ERBB4: variants seen among roughly 807,000 people sequenced by gnomAD.
ERBB4 encodes the protein erb-b2 receptor tyrosine kinase 4, also known as receptor tyrosine-protein kinase erbB-4.
ERBB4 carries 42 observed loss-of-function variants against 158.0 expected under a neutral mutation model. The observed-to-expected ratio is 0.27, with a 90% CI of 0.21 to 0.34. The LOEUF (loss-of-function observed/expected upper bound fraction) is 0.34, where lower values mean the gene tolerates loss of function less well. ERBB4 is among the 10% of genes least tolerant of loss of function. The probability of loss-of-function intolerance (pLI) is 1.00; values close to 1 mark genes in which losing one functional copy is unlikely to be tolerated. For synonymous variants in ERBB4, 583 were observed against 558.7 expected (o/e 1.04, Z -0.61); for missense variants, 1,333 against 1,624.1 (o/e 0.82, Z 3.08).
intron 1 of ERBB4, among the ~76,000 whole-genome samples, chr2:212,502,099 G>C (rs1560495582): frequency 6.6e-6 from 1 of 151,864 alleles, no homozygotes; most frequent in Non-Finnish European, 1.5e-5. Context: ...AATTCTCATG[G>C]ATTGTTTACA....
chr2:212,115,813 T>C (rs535241412), intron 2 of ERBB4, among the ~76,000 whole-genome samples: 39 of 152,232 alleles, frequency 2.6e-4, no homozygotes, highest in African/African-American at 9.1e-4. Context: ...CTGGATGTAT[T>C]TTTCTCATTT....
At chr2:212,256,412 GAGTT>G (rs2084741514) in intron 1 of ERBB4, among the ~76,000 whole-genome samples, 1 of 152,084 alleles carries the variant, frequency 6.6e-6, no homozygotes, top group Admixed American at 6.6e-5. Context: ...GGACTGTAAT[GAGTT>G]AGGTCAAAAG....
intron 1 of ERBB4, among the ~76,000 whole-genome samples, chr2:212,509,656 T>C (rs1691396577): frequency 1.3e-5 from 2 of 151,990 alleles, no homozygotes; most frequent in African/African-American, 4.8e-5. Flanking sequence ...TCACACAAAT[T>C]TCAATTCTGC....
intron 1 of ERBB4, among the ~76,000 whole-genome samples, chr2:212,365,279 G>T (rs1387775394): frequency 2.0e-5 from 3 of 151,634 alleles, no homozygotes; most frequent in Non-Finnish European, 4.4e-5. Context: ...TTGATTAAAT[G>T]ATGTTTTCTT....
intron 1 of ERBB4, among the ~76,000 whole-genome samples, chr2:212,328,756 T>C (rs1164292362): frequency 6.6e-6 from 1 of 152,002 alleles, no homozygotes; most frequent in Non-Finnish European, 1.5e-5. Flanking sequence ...ATTTTTAGGG[T>C]ATAAGAATAA....
intron 1 of ERBB4, among the ~76,000 whole-genome samples, chr2:212,339,739 T>A (rs1400212321): frequency 6.6e-6 from 1 of 152,168 alleles, no homozygotes; most frequent in Non-Finnish European, 1.5e-5. Context: ...TGGGGTTTTA[T>A]AGTAATTTCT....
At chr2:211,735,141 A>T (rs2074562968) in intron 5 of ERBB4, among the ~76,000 whole-genome samples, 1 of 152,138 alleles carries the variant, frequency 6.6e-6, no homozygotes, top group African/African-American at 2.4e-5. Context: ...CTTTATAAAA[A>T]AATGTAGGTT....
rs568446629 is a variant in ERBB4, at chr2:212,425,556, T to C, written c.82+112893A>G. ...GTCTCCTCAAAATAAAACACATCCA[T>C]ATTTTAACATAATTGCAATTTGGTC... On this transcript the variant is annotated intron_variant, in intron 1 of 27. Transcript: ENST00000342788. Among the ~76,000 whole-genome samples the C allele has an allele frequency of 4.6e-5, 7 of 151,684 alleles. No individual in the cohort carries two copies. The South Asian group carries it at 6.2e-4, about 13-fold the overall frequency.
chr2:212,338,630 C>A lies in ERBB4; in HGVS notation c.82+199819G>T, dbSNP rs541754871. Among the ~76,000 whole-genome samples the A allele has an allele frequency of 4.6e-5, 7 of 152,146 alleles. No individual in the cohort carries two copies. In the East Asian group the frequency reaches 1.4e-3, roughly 30 times the overall value. On this transcript the variant is annotated intron_variant, in intron 1 of 27. Coordinates refer to ENST00000342788, the MANE Select transcript of ERBB4 (RefSeq NM_005235.3). ...ATATACAATATTTTTCTAGATATAC[C>A]TACACAACTCATTGACAAGTGAAAT...
intron 3 of ERBB4, among the ~76,000 whole-genome samples, chr2:211,843,755 T>A (rs563218927): frequency 6.6e-6 from 1 of 152,132 alleles, no homozygotes; most frequent in South Asian, 2.1e-4. Flanking sequence ...AAAGGCTATT[T>A]GCTCTGTATA....
At chr2:211,569,591 A>T (rs950356829) in intron 19 of ERBB4, among the ~76,000 whole-genome samples, 5 of 152,214 alleles carry the variant, frequency 3.3e-5, no homozygotes, top group African/African-American at 1.2e-4. Flanking sequence ...GCTACTTTAG[A>T]TAAGGAGAGC....
rs183038436 is a variant in ERBB4 at position 212,266,951 on chromosome 2, C to T, written c.83-142048G>A. On this transcript the variant is annotated intron_variant, in intron 1 of 27. Transcript: ENST00000342788. ...TTGCATCGGACTTAACGAAGAGAAC[C>T]TATGCTAATCCATAGTTATGTAACT... Among the ~76,000 whole-genome samples, 20 of 152,074 alleles carry T rather than the reference C, an allele frequency of 1.3e-4. 1 individual carries two copies. The East Asian group carries it at 1.9e-3, about 15-fold the overall frequency.
chr2:211,684,988 A>T (rs1467558472), intron 12 of ERBB4, among the ~76,000 whole-genome samples: 1 of 152,210 alleles, frequency 6.6e-6, no homozygotes, highest in Non-Finnish European at 1.5e-5. Context: ...CTGTCTCAGA[A>T]TATTTGTATA....
chr2:212,254,905 A>G (rs1477930194), intron 1 of ERBB4, among the ~76,000 whole-genome samples: 1 of 152,136 alleles, frequency 6.6e-6, no homozygotes, highest in Non-Finnish European at 1.5e-5. Context: ...TGTGAGAGAT[A>G]CTCTCTGAGA....
chr2:211,779,644 T>A (rs114641527), intron 4 of ERBB4: 4 of 152,204 alleles, frequency 2.6e-5, no homozygotes, highest in African/African-American at 9.7e-5. Flanking sequence ...CTTTATGATC[T>A]GAGAAGCCTT....
chr2:212,121,473 G>A (rs2079745606), intron 2 of ERBB4, among the ~76,000 whole-genome samples: 2 of 152,160 alleles, frequency 1.3e-5, no homozygotes, highest in Non-Finnish European at 2.9e-5. Context: ...CTCTCAAATT[G>A]CTGGGATTAC....
intron 1 of ERBB4, among the ~76,000 whole-genome samples, chr2:212,401,075 G>C (rs1184392378): frequency 6.6e-6 from 1 of 152,020 alleles, no homozygotes; most frequent in Admixed American, 6.6e-5. Context: ...GTGTTCATAC[G>C]GTAAGCATTA....
intron 1 of ERBB4, among the ~76,000 whole-genome samples, chr2:212,437,005 G>C (rs766252796): frequency 1.8e-4 from 27 of 152,090 alleles, no homozygotes; most frequent in Non-Finnish European, 3.4e-4. Context: ...AGAGAGTAAG[G>C]CTAGAGATCC....
intron 13 of ERBB4, among the ~76,000 whole-genome samples, chr2:211,675,316 T>C (rs1418082353): frequency 6.6e-6 from 1 of 152,166 alleles, no homozygotes; most frequent in Non-Finnish European, 1.5e-5. Flanking sequence ...TGGGATCTAG[T>C]TTTTCCAAAT....
Sources: gnomAD v4.1 joint callset for allele counts (sites outside exome capture counted in the v4.1 genomes callset) on GRCh38, gnomAD v4.1.1 for gene constraint, MANE v1.5 for transcripts, NCBI Gene and HGNC (gene_info 2026-07-23, HGNC 2026-07-21) for gene names.